The following KDM5B variants were observed in gnomAD, a reference collection of about 807,000 sequenced individuals.
KDM5B encodes the protein lysine demethylase 5B, also known as lysine-specific demethylase 5B.
A neutral mutation model predicts 193.4 loss-of-function variants in KDM5B; 144 were observed. The ratio of observed to expected loss-of-function variants is 0.74; its 90% CI spans 0.65 to 0.86. KDM5B has a LOEUF of 0.86. Ranked by LOEUF, KDM5B falls within the 40% of genes least tolerant of loss-of-function variation. The pLI, the probability that KDM5B is intolerant of heterozygous loss-of-function variation, is 0.00. For synonymous variants in KDM5B, 668 were observed against 682.6 expected, an observed-to-expected ratio of 0.98 and a Z score of 0.33; for missense variants, 1,833 against 1,886.9, an observed-to-expected ratio of 0.97 and a Z score of 0.53.
chr1:202,761,601 G>T (rs1267892901), intron 7 of KDM5B, among the ~76,000 whole-genome samples: 1 of 152,004 alleles, frequency 6.6e-6, no homozygotes, highest in Non-Finnish European at 1.5e-5. Flanking sequence ...GACTATATTT[G>T]GAAATGAGTC....
chr1:202,729,326 A>C, intron 26 of KDM5B, 153 bp from the exon 27 acceptor site: 1 of 782,958 alleles, frequency 1.3e-6, no homozygotes, highest in Non-Finnish European at 2.0e-6. Flanking sequence ...AAATGAGTGT[A>C]GCTGGCCCCC....
chr1:202,808,130 G>T lies in KDM5B; in HGVS notation c.176C>A (p.Thr59Asn). The T allele has an allele frequency of 6.2e-7, 1 of 1,612,252 alleles. No homozygotes were observed. Among genetic ancestry groups the T allele is most frequent in the Non-Finnish European group, 8.5e-7 (1 of 1,179,316 alleles). Residue 59 changes from threonine (T) to asparagine (N), a missense_variant, in exon 1 of 27, where the codon ACT becomes AAT. By Grantham distance (65) the Thr-to-Asn change is moderately conservative. Coordinates refer to ENST00000367265, the MANE Select transcript of KDM5B (RefSeq NM_006618.5). ...IHKIRPIAEQ[T>N]GICKVRPPPD... Reference sequence around the variant, plus strand: ...CGGCGGCCGCACCTTACAGATGCCAGTCTGCTCGGCTATGGGCCGGATCTT... The same window carrying T: ...CGGCGGCCGCACCTTACAGATGCCATTCTGCTCGGCTATGGGCCGGATCTT...
At chr1:202,762,833 C>A (rs561659961) in intron 6 of KDM5B, 25 bp from the exon 7 acceptor site, 15 of 1,265,488 alleles carry the variant, frequency 1.2e-5, no homozygotes, top group Non-Finnish European at 1.7e-5. Flanking sequence ...CCAAAATTAG[C>A]TCTTTATGAT....
intron 1 of KDM5B, among the ~76,000 whole-genome samples, chr1:202,784,381 C>CA (rs1017435186): frequency 6.6e-5 from 10 of 152,178 alleles, no homozygotes; most frequent in African/African-American, 2.2e-4. Context: ...AACTAAGGAC[C>CA]AAAGCATTGT....
chr1:202,755,503 C>G (rs565765356), intron 10 of KDM5B, 51 bp from the exon 11 acceptor site: 2 of 1,361,494 alleles, frequency 1.5e-6, no homozygotes, highest in Non-Finnish European at 2.0e-6. Context: ...ACAATGCTAA[C>G]GTTTTAGAAG....
intron 1 of KDM5B, among the ~76,000 whole-genome samples, chr1:202,791,313 A>G (rs547955587): frequency 6.6e-6 from 1 of 152,302 alleles, no homozygotes; most frequent in East Asian, 1.9e-4. Context: ...CTCTATAAAA[A>G]CTGTAATTAT....
chr1:202,728,904 A>G lies in KDM5B; in HGVS notation c.*132T>C. The G allele has an allele frequency of 2.0e-6, 2 of 1,011,080 alleles. No individual in the cohort carries two copies. Among genetic ancestry groups the G allele is most frequent in the Non-Finnish European group, 2.9e-6 (2 of 694,320 alleles). 62.6% of individuals were successfully genotyped at this position (1,011,080 alleles called of 1,614,324 possible). A position where few individuals can be genotyped will look rare whatever the true frequency, so the allele number is the denominator to read the frequency against. ...CAAAGAGTCCTGGAAAAATGATCCC[A>G]TAAGGAATAGAAATAGCACCGTTTA... is the stretch of plus-strand genomic sequence containing the variant. On this transcript the variant is annotated 3_prime_UTR_variant, in exon 27 of 27. Transcript: ENST00000367265.
intron 1 of KDM5B, among the ~76,000 whole-genome samples, chr1:202,790,702 AGAGT>A (rs1377904713): frequency 6.6e-6 from 1 of 152,188 alleles, no homozygotes; most frequent in African/African-American, 2.4e-5. Flanking sequence ...CCTGGGTGAC[AGAGT>A]GAGACTCTGT....
At chr1:202,798,036 T>C (rs1267540663) in intron 1 of KDM5B, among the ~76,000 whole-genome samples, 1 of 152,044 alleles carries the variant, frequency 6.6e-6, no homozygotes, top group Non-Finnish European at 1.5e-5. Flanking sequence ...TTAAAATAAA[T>C]ACAAAAACTA....
chr1:202,740,517 C>G (rs1221126031), intron 20 of KDM5B, among the ~76,000 whole-genome samples, 157 bp downstream of exon 20: 1 of 133,652 alleles, frequency 7.5e-6, no homozygotes, highest in East Asian at 2.3e-4. Context: ...CTCCTCACTT[C>G]CCAGTAGGGG....
At position 202,751,630 on chromosome 1, in the gene KDM5B, C is replaced by G. The variant is rs1009989918; in HGVS notation, c.1702-852G>C. ...ACAGATGTCATCTCATTTAAGAGCC[C>G]TTTCTGATTCTCAATAGAGTTATTA... is the stretch of plus-strand genomic sequence containing the variant. On this transcript the variant is annotated intron_variant, in intron 12 of 26. Coordinates refer to ENST00000367265, the MANE Select transcript of KDM5B (RefSeq NM_006618.5). 1.2e-4 allele frequency among the ~76,000 whole-genome samples: 18 copies of G among 152,154 alleles called. 1 individual carries two copies. The highest frequency in any genetic ancestry group is 1.1e-3 in the Admixed American group (17 of 15,280).
At chr1:202,773,410 C>A (rs1572751638) in intron 3 of KDM5B, 122 bp from the exon 4 acceptor site, 1 of 702,852 alleles carries the variant, frequency 1.4e-6, no homozygotes, top group East Asian at 2.7e-5. Flanking sequence ...TTTTGCCAAT[C>A]ATATATATAT....
chr1:202,776,417 T>C (rs1358576784), intron 2 of KDM5B, among the ~76,000 whole-genome samples: 1 of 151,574 alleles, frequency 6.6e-6, no homozygotes, highest in Non-Finnish European at 1.5e-5. Context: ...GTAAATATGC[T>C]TTTATATGCC....
chr1:202,788,104 A>G (rs1657486216), intron 1 of KDM5B, among the ~76,000 whole-genome samples: 1 of 152,198 alleles, frequency 6.6e-6, no homozygotes, highest in African/African-American at 2.4e-5. Flanking sequence ...GATTTAAAAC[A>G]CAGCCCTTTC....
At chr1:202,776,900 TACAAATCTAAAA>T in intron 2 of KDM5B, 105 bp downstream of exon 2, 1 of 756,812 alleles carries the variant, frequency 1.3e-6, no homozygotes, top group Non-Finnish European at 2.3e-6. Flanking sequence ...TTTGCTCAAA[TACAAATCTAAAA>T]ACAGATTTAC....
chr1:202,747,920 C>T lies in KDM5B; in HGVS notation c.2016+1025G>A, dbSNP rs148308572. On this transcript the variant is annotated intron_variant, in intron 14 of 26. Coordinates refer to ENST00000367265, the MANE Select transcript of KDM5B (RefSeq NM_006618.5). ...TTTGGTAGAAATCAATAAGCTGATT[C>T]TAAAATGTACATTAAAAAAAGTAAA... Among the ~76,000 whole-genome samples, 333 of 151,768 alleles carry T rather than the reference C, an allele frequency of 2.2e-3. 2 individuals carry two copies. Among genetic ancestry groups the T allele is most frequent in the Admixed American group, 9.2e-3 (140 of 15,254 alleles).
intron 10 of KDM5B, among the ~76,000 whole-genome samples, chr1:202,756,056 A>T (rs1281475684): frequency 2.6e-5 from 4 of 152,260 alleles, no homozygotes; most frequent in East Asian, 1.9e-4. Flanking sequence ...ATGGAAAAAA[A>T]TACTCAAAAA....
intron 5 of KDM5B, among the ~76,000 whole-genome samples, chr1:202,766,050 A>C (rs1002258595): frequency 3.3e-5 from 5 of 152,194 alleles, no homozygotes; most frequent in African/African-American, 1.2e-4. Context: ...TCTTTATTAA[A>C]AATTTTTTTT....
At position 202,767,449 on chromosome 1, in the gene KDM5B, C is replaced by CA. The variant is rs1412849274; in HGVS notation, c.577-390dup. ...GCTGCTGGAAGCTCTGCGAAAGGTG[C>CA]AGAGACCGAGGAAGGATGAAATGGC... On this transcript the variant is annotated intron_variant, in intron 4 of 26. Coordinates refer to ENST00000367265, the MANE Select transcript of KDM5B (RefSeq NM_006618.5). The CA allele has an allele frequency of 3.2e-6, 4 of 1,246,780 alleles. No homozygotes were observed. In the Admixed American group the frequency reaches 5.1e-5, roughly 16 times the overall value. 77.2% of individuals were successfully genotyped at this position (1,246,780 alleles called of 1,614,324 possible). A position where few individuals can be genotyped will look rare whatever the true frequency, so the allele number is the denominator to read the frequency against.
Sources: gnomAD v4.1 joint callset for allele counts (sites outside exome capture counted in the v4.1 genomes callset) on GRCh38, gnomAD v4.1.1 for gene constraint, MANE v1.5 for transcripts, NCBI Gene and HGNC (gene_info 2026-07-23, HGNC 2026-07-21) for gene names.